Variants in PLEKHA6 observed in about 807,000 individuals in gnomAD.
PLEKHA6 encodes the protein pleckstrin homology domain-containing family A member 6.
PLEKHA6 carries 60 observed loss-of-function variants against 116.7 expected under a neutral mutation model. The observed-to-expected ratio is 0.51, with a 90% CI of 0.42 to 0.64. PLEKHA6 has a LOEUF of 0.64. Among genes scored for constraint, PLEKHA6 ranks in the 30% least tolerant of loss-of-function variants. The pLI is 0.00. For synonymous variants in PLEKHA6, 489 were observed against 556.1 expected, an observed-to-expected ratio of 0.88 and a Z score of 1.70; for missense variants, 1,338 against 1,422.7, an observed-to-expected ratio of 0.94 and a Z score of 0.96.
intron 1 of PLEKHA6, among the ~76,000 whole-genome samples, chr1:204,304,070 G>C (rs935675545): frequency 6.6e-6 from 1 of 152,150 alleles, no homozygotes; most frequent in Admixed American, 6.5e-5. Context: ...TTGATATCAA[G>C]ATTTTTAAAT....
intron 1 of PLEKHA6, chr1:204,377,578 C>T (rs1043525444): frequency 1.9e-4 from 29 of 152,418 alleles, no homozygotes; most frequent in Middle Eastern, 6.8e-3. Context: ...GCGAGACCAA[C>T]ATACTTGATG....
At chr1:204,235,073 T>C (rs11240707) in intron 17 of PLEKHA6, among the ~76,000 whole-genome samples, 70,407 of 133,200 alleles carry the variant, frequency 0.53, 19,895 homozygotes, top group African/African-American at 0.67. Flanking sequence ...GAATCCTAAC[T>C]AATACAGATT....
chr1:204,329,011 G>A lies in PLEKHA6; in HGVS notation c.-95+30683C>T, dbSNP rs753992432. Among the ~76,000 whole-genome samples the A allele has an allele frequency of 5.8e-4, 88 of 152,320 alleles. 1 individual carries two copies. Among genetic ancestry groups the A allele is most frequent in the Middle Eastern group, 6.8e-3 (2 of 294 alleles). On this transcript the variant is annotated intron_variant, in intron 1 of 22. Transcript: ENST00000272203. The stretch of plus-strand genomic sequence containing the variant: ...CCTCAAAGCTCCACTCTTACCCTCT[G>A]TGTTGCACTACTTCTTGTGTGTGTA...
At chr1:204,258,510 C>T (rs1023190469) in intron 8 of PLEKHA6, among the ~76,000 whole-genome samples, 10 of 152,192 alleles carry the variant, frequency 6.6e-5, no homozygotes, top group African/African-American at 2.4e-4. Flanking sequence ...CCAGAGCAGG[C>T]CTGATGCTCC....
intron 1 of PLEKHA6, among the ~76,000 whole-genome samples, chr1:204,319,635 C>T (rs1276303540): frequency 6.6e-6 from 1 of 152,284 alleles, no homozygotes; most frequent in Admixed American, 6.5e-5. Context: ...TTCTGAGTCA[C>T]GCCTGTTGTC....
chr1:204,231,191 G>A (rs1376434453), intron 17 of PLEKHA6, among the ~76,000 whole-genome samples: 1 of 152,224 alleles, frequency 6.6e-6, no homozygotes, highest in African/African-American at 2.4e-5. Context: ...CTAACGGGTA[G>A]AGGTTGGGAA....
chr1:204,303,668 C>A (rs1232222735), intron 1 of PLEKHA6, among the ~76,000 whole-genome samples: 1 of 152,246 alleles, frequency 6.6e-6, no homozygotes, highest in African/African-American at 2.4e-5. Context: ...TCTAATACCC[C>A]CAGGAGCCTC....
In PLEKHA6 at chr1:204,241,394, G is replaced by C; in HGVS notation, c.2390C>G (p.Thr797Ser). 1 of 1,610,378 alleles carries C rather than the reference G, an allele frequency of 6.2e-7. No homozygotes were observed. Among genetic ancestry groups the C allele is most frequent in the Non-Finnish European group, 8.5e-7 (1 of 1,177,870 alleles). ...AVVRRNASGL[T>S]NGLSSQERPK... ...ACCCACCTGGGAGGAGAGTCCATTG[G>C]TGAGCCCACTGGCATTCCTTCTTAC... is the stretch of plus-strand genomic sequence containing the variant. The change falls in exon 17 of 23, where the codon ACC (threonine) becomes AGC (serine). Residue 797 changes from threonine to serine, a missense_variant. By Grantham distance (58) the Thr-to-Ser change is moderately conservative (BLOSUM62 1). Coordinates refer to ENST00000272203, the MANE Select transcript of PLEKHA6 (RefSeq NM_014935.5).
intron 21 of PLEKHA6, among the ~76,000 whole-genome samples, chr1:204,227,027 G>T (rs1660457678): frequency 6.6e-6 from 1 of 152,126 alleles, no homozygotes; most frequent in Admixed American, 6.6e-5. Context: ...CAGGAATTTT[G>T]ATTTGAATTT....
At chr1:204,325,557 T>C (rs977831585) in intron 1 of PLEKHA6, among the ~76,000 whole-genome samples, 1 of 152,216 alleles carries the variant, frequency 6.6e-6, no homozygotes, top group Non-Finnish European at 1.5e-5. Flanking sequence ...GGAGCCCGAA[T>C]GCCCAGCTGC....
At chr1:204,311,165 A>G (rs1035900759) in intron 1 of PLEKHA6, among the ~76,000 whole-genome samples, 2 of 152,176 alleles carry the variant, frequency 1.3e-5, no homozygotes, top group African/African-American at 4.8e-5. Flanking sequence ...CACACTCACT[A>G]CTTTGGAAGG....
chr1:204,288,505 C>T (rs1669428323), intron 1 of PLEKHA6, among the ~76,000 whole-genome samples: 1 of 152,218 alleles, frequency 6.6e-6, no homozygotes, highest in South Asian at 2.1e-4. Context: ...AAATATTTGC[C>T]TGGCGGGCCA....
At chr1:204,308,702 T>C (rs1671514602) in intron 1 of PLEKHA6, among the ~76,000 whole-genome samples, 2 of 137,124 alleles carry the variant, frequency 1.5e-5, no homozygotes, top group African/African-American at 5.5e-5. Context: ...TTTTTTTTTT[T>C]TTTTTTGAGA....
Position 204,302,146 on chromosome 1 carries a change from A to AAC in PLEKHA6, c.-94-27339_-94-27338dup, listed in dbSNP as rs574152667. Among the ~76,000 whole-genome samples the AAC allele has an allele frequency of 2.0e-5, 3 of 152,328 alleles. No individual in the cohort carries two copies. In the South Asian group the frequency reaches 6.2e-4, roughly 32 times the overall value. ...TGGAGACCTGAGGCATGCAGAATTA[A>AAC]ACAAAGAGGATGGTGGCAATCAAAT... On this transcript the variant is annotated intron_variant, in intron 1 of 22. Transcript: ENST00000272203.
At chr1:204,273,527 G>A in intron 3 of PLEKHA6, 99 bp downstream of exon 3, 4 of 845,520 alleles carry the variant, frequency 4.7e-6, no homozygotes, top group Non-Finnish European at 8.1e-6. Context: ...TGCAGAAATA[G>A]CTGGACAGGC....
intron 1 of PLEKHA6, chr1:204,281,161 T>C (rs928901455): frequency 1.9e-5 from 3 of 160,496 alleles, no homozygotes; most frequent in Non-Finnish European, 3.9e-5. Flanking sequence ...CACCCCAACC[T>C]GAGGCACAAG....
At chr1:204,301,903 C>T (rs1452489234) in intron 1 of PLEKHA6, among the ~76,000 whole-genome samples, 1 of 152,184 alleles carries the variant, frequency 6.6e-6, no homozygotes, top group Non-Finnish European at 1.5e-5. Flanking sequence ...ACTCAACCCA[C>T]TCTAAGGCAC....
intron 9 of PLEKHA6, chr1:204,255,631 GATCCAA>G: frequency 1.4e-6 from 1 of 702,944 alleles, no homozygotes; most frequent in Non-Finnish European, 2.6e-6. Flanking sequence ...CCTACCTGCT[GATCCAA>G]ATACTCTAGG....
rs1185574832 is a variant in PLEKHA6, at chr1:204,219,942, G to A, written c.*2846C>T. On this transcript the variant is annotated 3_prime_UTR_variant, in exon 23 of 23. Coordinates refer to ENST00000272203, the MANE Select transcript of PLEKHA6 (RefSeq NM_014935.5). ...ACCAGACTGAGGTACCATGCCTTTG[G>A]TACAGCCCCCAGAGAGAAAGGTTGC... 1 of 152,178 alleles carries A rather than the reference G, an allele frequency of 6.6e-6. No individual in the cohort carries two copies. The highest frequency in any genetic ancestry group is 2.4e-5 in the African/African-American group (1 of 41,414). 9.4% of individuals were successfully genotyped at this position (152,178 alleles called of 1,614,324 possible). A position where few individuals can be genotyped will look rare whatever the true frequency, so the allele number is the denominator to read the frequency against.
Sources: allele counts gnomAD v4.1 joint callset (sites outside exome capture counted in the v4.1 genomes callset), GRCh38; gene constraint gnomAD v4.1.1; transcripts MANE v1.5; gene names NCBI Gene and HGNC (gene_info 2026-07-23, HGNC 2026-07-21).